The following DPY19L2 variants were observed in gnomAD, a reference collection of about 807,000 sequenced individuals.
The protein encoded by DPY19L2 is dpy-19 like 2, also known as probable C-mannosyltransferase DPY19L2.
In DPY19L2, 34 loss-of-function variants were observed where a neutral mutation model predicts 97.9. The observed-to-expected ratio is 0.35, with a 90% confidence interval of 0.26 to 0.46. The LOEUF is 0.46. Ranked by LOEUF, DPY19L2 falls within the 20% of genes least tolerant of loss-of-function variation. The pLI, the probability that DPY19L2 is intolerant of heterozygous loss-of-function variation, is 1.00. For synonymous variants in DPY19L2, 230 were observed against 307.9 expected, an observed-to-expected ratio of 0.75 and a Z score of 2.65; for missense variants, 623 against 911.4, an observed-to-expected ratio of 0.68 and a Z score of 4.07.
intron 6 of DPY19L2, among the ~76,000 whole-genome samples, chr12:63,634,505 A>T (rs1223746711): frequency 6.6e-6 from 1 of 152,224 alleles, no homozygotes; most frequent in Non-Finnish European, 1.5e-5. Context: ...CGGGAAGCAC[A>T]AAGGGTTGGG....
intron 4 of DPY19L2, among the ~76,000 whole-genome samples, chr12:63,653,363 C>A (rs966111412): frequency 4.6e-5 from 7 of 151,938 alleles, no homozygotes; most frequent in African/African-American, 1.7e-4. Context: ...AGTTTGAGAC[C>A]AGCCTGAGCA....
At chr12:63,629,868 T>G (rs998437352) in intron 6 of DPY19L2, among the ~76,000 whole-genome samples, 4 of 152,194 alleles carry the variant, frequency 2.6e-5, no homozygotes, top group African/African-American at 7.2e-5. Flanking sequence ...AGCTGATCTC[T>G]TGGCAGAAAC....
rs1881097274 is a variant in DPY19L2 at position 63,582,447 on chromosome 12, G to C, written c.1684C>G (p.Pro562Ala). ...AAGGAAGCCATAACACACATGTGCG[G>C]TGTCAAAAACATCTTTAGCCTCATA... ...LIMRLKMFLTPHMCVMASLIC... is the reference protein window; with the variant it reads ...LIMRLKMFLTAHMCVMASLIC... The change falls in exon 18 of 22, where the codon CCG becomes GCG. Residue 562 changes from proline to alanine, a missense_variant. By Grantham distance (27) the Pro-to-Ala change is conservative (BLOSUM62 -1). Coordinates refer to ENST00000324472, the MANE Select transcript of DPY19L2 (RefSeq NM_173812.5). 1.2e-6 allele frequency: 2 copies of C among 1,613,508 alleles called. No homozygotes were observed. The highest frequency in any genetic ancestry group is 1.3e-5 in the African/African-American group (1 of 74,890).
At chr12:63,605,885 A>G (rs1280374945) in intron 12 of DPY19L2, among the ~76,000 whole-genome samples, 1 of 152,146 alleles carries the variant, frequency 6.6e-6, no homozygotes, top group African/African-American at 2.4e-5. Context: ...ATTGCTTTGA[A>G]TCTGAACATC....
intron 6 of DPY19L2, among the ~76,000 whole-genome samples, chr12:63,627,409 G>A (rs1328966683): frequency 1.3e-5 from 2 of 152,064 alleles, no homozygotes; most frequent in African/African-American, 2.4e-5. Context: ...GAGTGCAGTG[G>A]CGCGATCTCG....
intron 4 of DPY19L2, chr12:63,652,017 C>T (rs889376559): frequency 3.3e-5 from 7 of 213,914 alleles, no homozygotes; most frequent in African/African-American, 6.9e-5. Context: ...CCTCACAGCC[C>T]ACATGTCCCC....
intron 11 of DPY19L2, among the ~76,000 whole-genome samples, chr12:63,609,151 A>G (rs1000499287): frequency 6.6e-5 from 10 of 152,158 alleles, no homozygotes; most frequent in Admixed American, 2.0e-4. Flanking sequence ...TTTAAAAAAT[A>G]CAATATTAAT....
rs12299121 is a variant in DPY19L2, at chr12:63,559,334, A to G, written c.*1178T>C. ...TTTGTTATTTCAAGTGTAGAGGGGCAAGAACATAAGGGAATTATAAAAACC... is the reference window on the plus strand; with the variant it reads ...TTTGTTATTTCAAGTGTAGAGGGGCGAGAACATAAGGGAATTATAAAAACC... On this transcript the variant is annotated 3_prime_UTR_variant, in exon 22 of 22. Transcript: ENST00000324472. The G allele has an allele frequency of 0.47, 71,843 of 152,132 alleles. 18,075 individuals carry two copies. The highest frequency in any genetic ancestry group is 0.65 in the African/African-American group (26,862 of 41,458). The allele number at this position is 152,132 out of a possible 1,614,324, so 9.4% of individuals were successfully genotyped here. A position where few individuals can be genotyped will look rare whatever the true frequency, so the allele number is the denominator to read the frequency against.
At chr12:63,562,700 T>G (rs2137240402) in intron 21 of DPY19L2, among the ~76,000 whole-genome samples, 1 of 152,280 alleles carries the variant, frequency 6.6e-6, no homozygotes, top group East Asian at 1.9e-4. Context: ...TTATTAAGTA[T>G]TTAGTTACGT....
intron 3 of DPY19L2, among the ~76,000 whole-genome samples, chr12:63,663,051 T>C (rs761980703): frequency 7.9e-5 from 12 of 152,164 alleles, no homozygotes; most frequent in African/African-American, 2.2e-4. Context: ...ATGATAAACA[T>C]TGAAATTTTT....
chr12:63,644,625 G>C, intron 5 of DPY19L2, 129 bp from the exon 6 acceptor site: 1 of 1,391,048 alleles, frequency 7.2e-7, no homozygotes, highest in East Asian at 2.5e-5. Context: ...CCAGATTGCT[G>C]CTGTGTTTAA....
intron 12 of DPY19L2, among the ~76,000 whole-genome samples, chr12:63,603,201 A>T (rs1885462008): frequency 6.6e-6 from 1 of 152,196 alleles, no homozygotes; most frequent in African/African-American, 2.4e-5. Context: ...CTTGACTTAA[A>T]AATCTAAATA....
At chr12:63,660,784 GGT>G (rs1477551234) in intron 4 of DPY19L2, 2 of 152,030 alleles carry the variant, frequency 1.3e-5, no homozygotes, top group Non-Finnish European at 2.9e-5. Flanking sequence ...TATTTACCAT[GGT>G]GTCAAATTTA....
chr12:63,615,439 A>G (rs1265502073), intron 11 of DPY19L2, among the ~76,000 whole-genome samples: 3 of 152,174 alleles, frequency 2.0e-5, no homozygotes, highest in Admixed American at 6.6e-5. Flanking sequence ...GAACAATACT[A>G]AAGACTTGCA....
At chr12:63,586,108 C>T (rs939377331) in intron 16 of DPY19L2, among the ~76,000 whole-genome samples, 6 of 152,170 alleles carry the variant, frequency 3.9e-5, no homozygotes, top group Non-Finnish European at 8.8e-5. Context: ...AACACACACA[C>T]ATCACCCCTC....
At chr12:63,631,019 C>T (rs1444636215) in intron 6 of DPY19L2, among the ~76,000 whole-genome samples, 4 of 151,988 alleles carry the variant, frequency 2.6e-5, no homozygotes, top group Admixed American at 6.6e-5. Flanking sequence ...TTGAAACCAA[C>T]GAGAACAAAG....
At chr12:63,603,150 T>C (rs897462625) in intron 12 of DPY19L2, among the ~76,000 whole-genome samples, 1 of 152,272 alleles carries the variant, frequency 6.6e-6, no homozygotes. Context: ...TCAAAAGCTT[T>C]ATCAATAAAA....
At chr12:63,580,956 G>A in intron 18 of DPY19L2, 120 bp from the exon 19 acceptor site, 1 of 1,007,688 alleles carries the variant, frequency 9.9e-7, no homozygotes, top group East Asian at 2.7e-5. Context: ...CAGCACACAT[G>A]TATACAGAAT....
chr12:63,611,728 A>G (rs117929180), intron 11 of DPY19L2, among the ~76,000 whole-genome samples: 4,479 of 152,198 alleles, frequency 0.029, 102 homozygotes, highest in Middle Eastern at 0.082. Flanking sequence ...AATAGTAACT[A>G]TCCAAAATTA....
Sources: allele counts gnomAD v4.1 joint callset (sites outside exome capture counted in the v4.1 genomes callset), GRCh38; gene constraint gnomAD v4.1.1; transcripts MANE v1.5; gene names NCBI Gene and HGNC (gene_info 2026-07-23, HGNC 2026-07-21).